Variants in FILIP1L observed in about 807,000 individuals in gnomAD.
FILIP1L encodes filamin A interacting protein 1 like.
In FILIP1L, 55 loss-of-function variants were observed where a neutral mutation model predicts 96.6. The ratio of observed to expected loss-of-function variants is 0.57; its 90% CI spans 0.46 to 0.71. FILIP1L has a LOEUF of 0.71. Ranked by LOEUF, FILIP1L falls within the 30% of genes least tolerant of loss-of-function variation. The probability of loss-of-function intolerance (pLI) is 0.00; values close to 1 mark genes in which losing one functional copy is unlikely to be tolerated. For missense variants in FILIP1L, 1,304 were observed against 1,321.2 expected (o/e 0.99, Z 0.20); for synonymous variants, 467 against 473.9 (o/e 0.99, Z 0.19).
intron 1 of FILIP1L, among the ~76,000 whole-genome samples, chr3:100,013,233 T>C (rs1231479530): frequency 1.3e-5 from 2 of 150,990 alleles, no homozygotes; most frequent in Non-Finnish European, 2.9e-5. Flanking sequence ...TTGTTGTTGT[T>C]GTTGTTGTTG....
chr3:100,052,691 T>C lies in FILIP1L; in HGVS notation c.-11+61362A>G, dbSNP rs182710159. Among the ~76,000 whole-genome samples, 4 of 152,328 alleles carry C rather than the reference T, an allele frequency of 2.6e-5. No homozygotes were observed. The East Asian group carries it at 7.7e-4, about 29-fold the overall frequency. On this transcript the variant is annotated intron_variant, in intron 1 of 5. Transcript: ENST00000477258. Reference sequence around the variant, plus strand: ...AATGTTTCTTTCTATAACCACATTTTAAGATAAGTATATTCTAAAATTTTA... The same window carrying C: ...AATGTTTCTTTCTATAACCACATTTCAAGATAAGTATATTCTAAAATTTTA...
At chr3:100,071,173 A>G (rs1365514051) in intron 1 of FILIP1L, among the ~76,000 whole-genome samples, 1 of 146,828 alleles carries the variant, frequency 6.8e-6, no homozygotes, top group African/African-American at 2.5e-5. Flanking sequence ...TATTTCAGAC[A>G]TATCACTGTC....
chr3:99,932,228 T>C (rs1707504726), intron 1 of FILIP1L, among the ~76,000 whole-genome samples: 1 of 152,212 alleles, frequency 6.6e-6, no homozygotes, highest in Non-Finnish European at 1.5e-5. Context: ...ATTTGGTATT[T>C]ATCATTCCCC....
intron 1 of FILIP1L, among the ~76,000 whole-genome samples, chr3:100,099,237 G>A (rs1559757111): frequency 1.3e-5 from 2 of 152,110 alleles, no homozygotes; most frequent in Non-Finnish European, 2.9e-5. Context: ...TATCATCTTA[G>A]TACGCACACT....
At chr3:99,948,332 A>T (rs1402876622) in intron 1 of FILIP1L, among the ~76,000 whole-genome samples, 1 of 152,030 alleles carries the variant, frequency 6.6e-6, no homozygotes, top group African/African-American at 2.4e-5. Context: ...CTCTCCAAAA[A>T]AATAAAAAAA....
At chr3:99,884,234 CCT>C (rs1210227119) in intron 4 of FILIP1L, among the ~76,000 whole-genome samples, 1 of 152,122 alleles carries the variant, frequency 6.6e-6, no homozygotes, top group Admixed American at 6.5e-5. Flanking sequence ...CATATAATAT[CCT>C]CTCTCTGTCC....
At chr3:99,955,950 T>C (rs1321920454) in intron 1 of FILIP1L, among the ~76,000 whole-genome samples, 1 of 152,210 alleles carries the variant, frequency 6.6e-6, no homozygotes, top group Admixed American at 6.5e-5. Flanking sequence ...CACATTGTTA[T>C]GACGTATTTA....
intron 1 of FILIP1L, among the ~76,000 whole-genome samples, chr3:100,028,077 G>A (rs940809893): frequency 4.6e-5 from 7 of 152,204 alleles, no homozygotes; most frequent in South Asian, 2.1e-4. Context: ...TTTAGGAGAC[G>A]AATAATAATA....
chr3:100,093,423 T>A (rs2066147445), intron 1 of FILIP1L, among the ~76,000 whole-genome samples: 1 of 152,144 alleles, frequency 6.6e-6, no homozygotes, highest in Admixed American at 6.5e-5. Context: ...ACTTACATTA[T>A]TTTTCTTACA....
chr3:100,080,519 A>G (rs1398733747), intron 1 of FILIP1L, among the ~76,000 whole-genome samples: 1 of 152,168 alleles, frequency 6.6e-6, no homozygotes, highest in African/African-American at 2.4e-5. Flanking sequence ...TACCTGGGGC[A>G]ATGCAGATAT....
intron 1 of FILIP1L, among the ~76,000 whole-genome samples, chr3:100,004,145 G>C (rs906948983): frequency 6.6e-6 from 1 of 152,116 alleles, no homozygotes; most frequent in Non-Finnish European, 1.5e-5. Flanking sequence ...TAGGGGATTT[G>C]CAAGGTAATT....
At chr3:99,938,091 G>A (rs190152520) in intron 1 of FILIP1L, among the ~76,000 whole-genome samples, 9 of 150,354 alleles carry the variant, frequency 6.0e-5, no homozygotes, top group South Asian at 4.2e-4. Flanking sequence ...GCGCGCGCGC[G>A]TGCATGCACA....
At chr3:99,984,573 A>C (rs112816644) in intron 1 of FILIP1L, among the ~76,000 whole-genome samples, 229 of 152,314 alleles carry the variant, frequency 1.5e-3, no homozygotes, top group African/African-American at 5.1e-3. Flanking sequence ...GCCAAGAGGT[A>C]TCTACCCTTA....
At chr3:100,061,683 AT>A (rs923632729) in intron 1 of FILIP1L, among the ~76,000 whole-genome samples, 7 of 152,218 alleles carry the variant, frequency 4.6e-5, no homozygotes, top group African/African-American at 1.7e-4. Flanking sequence ...ATATGAATTC[AT>A]TTAATTCATT....
intron 1 of FILIP1L, among the ~76,000 whole-genome samples, chr3:100,090,115 C>A (rs998214776): frequency 1.3e-5 from 2 of 152,204 alleles, no homozygotes; most frequent in African/African-American, 4.8e-5. Flanking sequence ...CTTCTGAGCT[C>A]CTTCCATGGA....
chr3:99,988,511 C>T (rs1368476728), intron 1 of FILIP1L, among the ~76,000 whole-genome samples: 1 of 47,880 alleles, frequency 2.1e-5, no homozygotes, highest in Middle Eastern at 0.015. Flanking sequence ...GACTCCATCT[C>T]AAAAAAAAAA....
At chr3:99,881,662 A>G (rs1705733917) in intron 4 of FILIP1L, among the ~76,000 whole-genome samples, 1 of 151,876 alleles carries the variant, frequency 6.6e-6, no homozygotes, top group African/African-American at 2.4e-5. Context: ...CCTCCCTAGT[A>G]GCTGGGATTA....
intron 5 of FILIP1L, chr3:99,848,047 A>G (rs1288661095): frequency 3.2e-6 from 4 of 1,257,720 alleles, no homozygotes; most frequent in African/African-American, 1.5e-5. Flanking sequence ...ATACAAGTGC[A>G]GACTAAATAT....
chr3:99,953,565 C>T (rs1382636626), intron 1 of FILIP1L, among the ~76,000 whole-genome samples: 1 of 152,102 alleles, frequency 6.6e-6, no homozygotes, highest in African/African-American at 2.4e-5. Context: ...GTCCTAAATC[C>T]TTGCATTTTT....
Sources: allele counts gnomAD v4.1 joint callset (sites outside exome capture counted in the v4.1 genomes callset), GRCh38; gene constraint gnomAD v4.1.1; transcripts MANE v1.5; gene names NCBI Gene and HGNC (gene_info 2026-07-23, HGNC 2026-07-21).